Variants in RBM20 observed in about 807,000 individuals in gnomAD.
RBM20 encodes RNA-binding protein 20.
RBM20 carries 51 observed loss-of-function variants against 110.1 expected under a neutral mutation model. That is an observed-to-expected ratio of 0.46 (90% CI 0.37 to 0.59). The LOEUF (loss-of-function observed/expected upper bound fraction) is 0.59. RBM20 is among the 20% of genes least tolerant of loss of function. RBM20 has a pLI of 0.00. For missense variants in RBM20, 1,512 were observed against 1,574.9 expected, an observed-to-expected ratio of 0.96 and a Z score of 0.68; for synonymous variants, 589 against 618.2, an observed-to-expected ratio of 0.95 and a Z score of 0.70.
chr10:110,831,248 T>A lies in RBM20; in HGVS notation c.3573+66T>A, dbSNP rs1002072102. The stretch of plus-strand genomic sequence containing the variant: ...CCAGTCTCCATAACCGAGCCAGGTG[T>A]CTGGCGTCCTTGGCCTTGCTTGCCT... On this transcript the variant is annotated intron_variant, in intron 13 of 13. Transcript: ENST00000369519. 16 of 1,514,920 alleles carry A rather than the reference T, an allele frequency of 1.1e-5. No homozygotes were observed. The African/African-American group carries it at 1.8e-4, about 17-fold the overall frequency. 93.8% of individuals were successfully genotyped at this position (1,514,920 alleles called of 1,614,324 possible).
rs559304743 is a variant in RBM20, at chr10:110,687,007, A to G, written c.191+42362A>G. Among the ~76,000 whole-genome samples, 6 of 151,760 alleles carry G rather than the reference A, an allele frequency of 4.0e-5. No individual in the cohort carries two copies. The South Asian group carries it at 1.3e-3, about 32-fold the overall frequency. On this transcript the variant is annotated intron_variant, in intron 1 of 13. Coordinates refer to ENST00000369519, the MANE Select transcript of RBM20 (RefSeq NM_001134363.3). ...TGAGCCAAGATCATGCCACTGCACT[A>G]CAGCCTGGGTAACAGAGCGAGACTG... is the stretch of plus-strand genomic sequence containing the variant.
chr10:110,645,346 G>C (rs1486783667), intron 1 of RBM20, among the ~76,000 whole-genome samples: 2 of 152,168 alleles, frequency 1.3e-5, no homozygotes, highest in Non-Finnish European at 2.9e-5. Context: ...TAAAAACAGT[G>C]ATGCTTTGTA....
At position 110,734,620 on chromosome 10, in the gene RBM20, T is replaced by A. The variant is rs868589415; in HGVS notation, c.192-46181T>A. 9.1e-3 allele frequency among the ~76,000 whole-genome samples: 1,000 copies of A among 109,734 alleles called. 15 individuals carry two copies. Among genetic ancestry groups the A allele is most frequent in the African/African-American group, 0.033 (757 of 22,892 alleles). The allele number at this position is 109,734 out of a possible 152,430, so 72.0% of individuals were successfully genotyped here. On this transcript the variant is annotated intron_variant, in intron 1 of 13. Coordinates refer to ENST00000369519, the MANE Select transcript of RBM20 (RefSeq NM_001134363.3). ...TGGAACCAATATAAAAATTCCCTCT[T>A]TTTTTTTTTTTTTTTTGAGAGTGTC...
At chr10:110,765,863 T>C (rs1564839223) in intron 1 of RBM20, among the ~76,000 whole-genome samples, 1 of 152,216 alleles carries the variant, frequency 6.6e-6, no homozygotes, top group Non-Finnish European at 1.5e-5. Flanking sequence ...AATTCTGAGA[T>C]GTCAGAAAAC....
At chr10:110,747,447 C>T (rs1843796556) in intron 1 of RBM20, among the ~76,000 whole-genome samples, 1 of 152,160 alleles carries the variant, frequency 6.6e-6, no homozygotes, top group South Asian at 2.1e-4. Flanking sequence ...TGGGGAGAGA[C>T]AGTCATTGCC....
At chr10:110,786,095 G>A (rs1360511057) in intron 5 of RBM20, among the ~76,000 whole-genome samples, 2 of 152,092 alleles carry the variant, frequency 1.3e-5, no homozygotes, top group East Asian at 3.9e-4. Flanking sequence ...CTTCTCTCTG[G>A]GGTTTCAGTT....
rs952260458 is a variant in RBM20 at position 110,706,025 on chromosome 10, G to C, written c.191+61380G>C. ...TGACCTGGGAGGTGGCGTTTGCAGT[G>C]AGCCAGAATCACACCACTGTACTCC... is the stretch of plus-strand genomic sequence containing the variant. On this transcript the variant is annotated intron_variant, in intron 1 of 13. Transcript: ENST00000369519. Among the ~76,000 whole-genome samples, 5 of 151,734 alleles carry C rather than the reference G, an allele frequency of 3.3e-5. No homozygotes were observed. In the East Asian group the frequency reaches 9.7e-4, roughly 29 times the overall value.
chr10:110,685,579 G>T (rs1862491241), intron 1 of RBM20, among the ~76,000 whole-genome samples: 1 of 152,200 alleles, frequency 6.6e-6, no homozygotes. Flanking sequence ...GGAAGAAGCA[G>T]AGAGACCTTT....
chr10:110,674,953 G>T (rs902427195), intron 1 of RBM20, among the ~76,000 whole-genome samples: 5 of 152,234 alleles, frequency 3.3e-5, no homozygotes. Context: ...CAACCAAGTT[G>T]TGGGGATAAG....
chr10:110,758,011 G>GTTTTTTT (rs1590658146), intron 1 of RBM20, among the ~76,000 whole-genome samples: 22 of 55,274 alleles, frequency 4.0e-4, no homozygotes, highest in Non-Finnish European at 4.6e-4. Context: ...CAAGATCCTT[G>GTTTTTTT]TTCTTTTTTT....
At chr10:110,702,141 C>T (rs1285275104) in intron 1 of RBM20, among the ~76,000 whole-genome samples, 1 of 152,178 alleles carries the variant, frequency 6.6e-6, no homozygotes, top group Non-Finnish European at 1.5e-5. Context: ...CCAGCCTCTG[C>T]TGGGCAAAAG....
At chr10:110,673,893 C>T (rs1208113143) in intron 1 of RBM20, among the ~76,000 whole-genome samples, 1 of 152,114 alleles carries the variant, frequency 6.6e-6, no homozygotes, top group Non-Finnish European at 1.5e-5. Context: ...ATATCCTTTA[C>T]TGTGGGTGGC....
chr10:110,670,385 C>T (rs1297745981), intron 1 of RBM20, among the ~76,000 whole-genome samples: 1 of 152,214 alleles, frequency 6.6e-6, no homozygotes. Context: ...GAATGTGGCA[C>T]ATCCTTAGAC....
intron 1 of RBM20, among the ~76,000 whole-genome samples, chr10:110,695,185 C>T (rs1462687966): frequency 6.6e-6 from 1 of 152,136 alleles, no homozygotes; most frequent in Non-Finnish European, 1.5e-5. Flanking sequence ...ACCCAAAGAC[C>T]CCTGCAGTTT....
At chr10:110,810,226 C>G (rs536062888) in intron 7 of RBM20, among the ~76,000 whole-genome samples, 157 bp from the exon 8 acceptor site, 1 of 152,336 alleles carries the variant, frequency 6.6e-6, no homozygotes, top group East Asian at 1.9e-4. Context: ...GCATTATACT[C>G]ACACTCATCC....
At chr10:110,718,849 C>G (rs1005123521) in intron 1 of RBM20, among the ~76,000 whole-genome samples, 6 of 152,138 alleles carry the variant, frequency 3.9e-5, no homozygotes, top group Non-Finnish European at 7.4e-5. Flanking sequence ...CTCCTGACTT[C>G]AAGTTATCCA....
chr10:110,718,346 A>G (rs1790363651), intron 1 of RBM20, among the ~76,000 whole-genome samples: 1 of 152,172 alleles, frequency 6.6e-6, no homozygotes, highest in African/African-American at 2.4e-5. Flanking sequence ...AAGACCAAGT[A>G]CTCAGAGGAG....
chr10:110,648,541 T>G (rs1026111742), intron 1 of RBM20, among the ~76,000 whole-genome samples: 1 of 152,242 alleles, frequency 6.6e-6, no homozygotes, highest in Non-Finnish European at 1.5e-5. Flanking sequence ...GGATGGAATT[T>G]CTAACATCTG....
In RBM20 at chr10:110,821,582, C is replaced by T; in HGVS notation, c.2963C>T (p.Ser988Phe). The T allele has an allele frequency of 6.4e-7, 1 of 1,550,812 alleles. No homozygotes were observed. Among genetic ancestry groups the T allele is most frequent in the Non-Finnish European group, 8.7e-7 (1 of 1,146,032 alleles). The change falls in exon 11 of 14, where the codon TCC becomes TTC. Residue 988 changes from serine (S) to phenylalanine (F), a missense_variant. Ser to Phe is a radical substitution (Grantham distance 155, BLOSUM62 -2). Transcript: ENST00000369519. The stretch of plus-strand genomic sequence containing the variant: ...TCACCCAGAGAACTGCCCTCTGCTT[C>T]CACAAGCTGTCCCAGTGACATGGAC... ...LKSPRELPSA[S>F]TSCPSDMDVE...
Sources: allele counts gnomAD v4.1 joint callset (sites outside exome capture counted in the v4.1 genomes callset), GRCh38; gene constraint gnomAD v4.1.1; transcripts MANE v1.5; gene names NCBI Gene and HGNC (gene_info 2026-07-23, HGNC 2026-07-21).